ARIH1: variants seen among roughly 807,000 people sequenced by gnomAD.
ARIH1 encodes the protein E3 ubiquitin-protein ligase ARIH1.
A neutral mutation model predicts 85.0 loss-of-function variants in ARIH1; 8 were observed. That is an observed-to-expected ratio of 0.09 (90% confidence interval 0.06 to 0.17). ARIH1 has a LOEUF of 0.17. ARIH1 is among the 10% of genes least tolerant of loss of function. The probability of loss-of-function intolerance (pLI) is 1.00; values close to 1 mark genes in which losing one functional copy is unlikely to be tolerated. For missense variants in ARIH1, 311 were observed against 718.1 expected (o/e 0.43, Z 6.48); for synonymous variants, 238 against 253.6 (o/e 0.94, Z 0.59).
intron 3 of ARIH1, among the ~76,000 whole-genome samples, chr15:72,550,233 A>C (rs1315099340): frequency 6.6e-6 from 1 of 152,190 alleles, no homozygotes; most frequent in African/African-American, 2.4e-5. Flanking sequence ...AGTTGTAACA[A>C]GGTTGAGAGA....
intron 1 of ARIH1, among the ~76,000 whole-genome samples, chr15:72,509,518 A>G (rs2063941074): frequency 6.6e-6 from 1 of 151,996 alleles, no homozygotes; most frequent in Non-Finnish European, 1.5e-5. Context: ...TTGTTTAGTC[A>G]AACCCTCCCC....
chr15:72,572,209 G>A (rs373908036), intron 11 of ARIH1, 44 bp downstream of exon 11: 59 of 1,285,714 alleles, frequency 4.6e-5, no homozygotes, highest in Middle Eastern at 1.9e-4. Context: ...AAGAATGCAC[G>A]TTGTATATTC....
chr15:72,504,354 A>G (rs1595854905), intron 1 of ARIH1, among the ~76,000 whole-genome samples: 1 of 152,154 alleles, frequency 6.6e-6, no homozygotes, highest in South Asian at 2.1e-4. Flanking sequence ...GCACCCAGCC[A>G]GACAGCCTTT....
intron 7 of ARIH1, among the ~76,000 whole-genome samples, chr15:72,564,691 A>C (rs977819626): frequency 6.6e-6 from 1 of 152,228 alleles, no homozygotes; most frequent in Non-Finnish European, 1.5e-5. Context: ...CTTCTAAACA[A>C]CATAAATTTA....
chr15:72,539,408 A>G (rs916752646), intron 2 of ARIH1, among the ~76,000 whole-genome samples: 1 of 152,194 alleles, frequency 6.6e-6, no homozygotes, highest in Non-Finnish European at 1.5e-5. Flanking sequence ...GATCAGAGGT[A>G]AACTGATAAA....
At chr15:72,515,362 A>T (rs2063970480) in intron 1 of ARIH1, among the ~76,000 whole-genome samples, 1 of 152,162 alleles carries the variant, frequency 6.6e-6, no homozygotes, top group African/African-American at 2.4e-5. Flanking sequence ...AAAATAAAAA[A>T]ATATAAAATA....
chr15:72,592,169 A>G lies in ARIH1; in HGVS notation c.*8877A>G, dbSNP rs976843020. 1 of 152,246 alleles carries G rather than the reference A, an allele frequency of 6.6e-6. No individual in the cohort carries two copies. Among genetic ancestry groups the G allele is most frequent in the Non-Finnish European group, 1.5e-5 (1 of 68,044 alleles). The allele number at this position is 152,246 out of a possible 1,614,324, so 9.4% of individuals were successfully genotyped here. The stretch of plus-strand genomic sequence containing the variant: ...CCATGTACAAGCCAGTGCCTTAACA[A>G]TGGTCAAATGGTTGCTCACTAACCA... On this transcript the variant is annotated 3_prime_UTR_variant, in exon 14 of 14. Coordinates refer to ENST00000379887, the MANE Select transcript of ARIH1 (RefSeq NM_005744.5).
At chr15:72,581,598 G>A (rs1261387064) in intron 12 of ARIH1, 1 of 158,672 alleles carries the variant, frequency 6.3e-6, no homozygotes, top group Admixed American at 5.9e-5. Context: ...TAGACAATAA[G>A]ACTGACTAGC....
At chr15:72,578,604 C>G (rs1299980795) in intron 11 of ARIH1, among the ~76,000 whole-genome samples, 1 of 151,748 alleles carries the variant, frequency 6.6e-6, no homozygotes, top group Non-Finnish European at 1.5e-5. Flanking sequence ...TTTGGTTTGT[C>G]CGCAAGTGTT....
Position 72,598,895 on chromosome 15 carries a change from T to G in ARIH1, c.*15603T>G, listed in dbSNP as rs2064372660. The G allele has an allele frequency of 6.7e-6, 1 of 150,258 alleles. No homozygotes were observed. Among genetic ancestry groups the G allele is most frequent in the African/African-American group, 2.4e-5 (1 of 40,940 alleles). 9.3% of individuals were successfully genotyped at this position (150,258 alleles called of 1,614,324 possible). ...ACCATGCCTGGCTTTTTTTTTTTTG[T>G]AGAGTTTGGGTCTCGCTATGTTGCC... On this transcript the variant is annotated 3_prime_UTR_variant, in exon 14 of 14. Transcript: ENST00000379887.
In ARIH1 at chr15:72,572,263, T is replaced by C. The variant is rs1198644789; in HGVS notation, c.1215+98T>C. The C allele has an allele frequency of 6.1e-6, 5 of 817,420 alleles. No homozygotes were observed. In the East Asian group the frequency reaches 1.4e-4, roughly 22 times the overall value. 50.6% of individuals were successfully genotyped at this position (817,420 alleles called of 1,614,324 possible). ...TTTTTTTTTTTTTTTTTTGAGACAG[T>C]GTCTCGCTTTGTCGCCCAGGCTGGA... On this transcript the variant is annotated intron_variant, in intron 11 of 13. Coordinates refer to ENST00000379887, the MANE Select transcript of ARIH1 (RefSeq NM_005744.5).
chr15:72,586,948 A>G lies in ARIH1; in HGVS notation c.*3656A>G. ...TCACTCTTAAAGCTGATACTGTTAT[A>G]TAGGGATGAAGGGAGAGTTTTCTTA... On this transcript the variant is annotated 3_prime_UTR_variant, in exon 14 of 14. Transcript: ENST00000379887. 2 of 329,900 alleles carry G rather than the reference A, an allele frequency of 6.1e-6. No homozygotes were observed. The highest frequency in any genetic ancestry group is 1.2e-5 in the Non-Finnish European group (2 of 172,116). The allele number at this position is 329,900 out of a possible 1,614,324, so 20.4% of individuals were successfully genotyped here. A position where few individuals can be genotyped will look rare whatever the true frequency, so the allele number is the denominator to read the frequency against.
In ARIH1 at chr15:72,592,361, G is replaced by T. The variant is rs536980246; in HGVS notation, c.*9069G>T. The T allele has an allele frequency of 6.6e-6, 1 of 152,234 alleles. No homozygotes were observed. The highest frequency in any genetic ancestry group is 1.5e-5 in the Non-Finnish European group (1 of 68,036). 9.4% of individuals were successfully genotyped at this position (152,234 alleles called of 1,614,324 possible). A position where few individuals can be genotyped will look rare whatever the true frequency, so the allele number is the denominator to read the frequency against. On this transcript the variant is annotated 3_prime_UTR_variant, in exon 14 of 14. Coordinates refer to ENST00000379887, the MANE Select transcript of ARIH1 (RefSeq NM_005744.5). ...ACTGAAGCAAAGAGATAATAGGCCA[G>T]TAAAGAGTGGGAGACAAACACTCCT...
At chr15:72,549,076 G>GTCTC (rs1351194862) in intron 3 of ARIH1, among the ~76,000 whole-genome samples, 2 of 150,348 alleles carry the variant, frequency 1.3e-5, no homozygotes, top group Non-Finnish European at 3.0e-5. Flanking sequence ...CGACTACAGC[G>GTCTC]TCTCTCTCTC....
At chr15:72,500,728 A>G (rs1284013354) in intron 1 of ARIH1, among the ~76,000 whole-genome samples, 1 of 152,236 alleles carries the variant, frequency 6.6e-6, no homozygotes, top group Non-Finnish European at 1.5e-5. Context: ...TAGAAAAATA[A>G]TAACTCCTTG....
intron 1 of ARIH1, among the ~76,000 whole-genome samples, chr15:72,496,487 A>G (rs1319269891): frequency 6.6e-6 from 1 of 152,160 alleles, no homozygotes; most frequent in African/African-American, 2.4e-5. Context: ...CCAAAGAGCA[A>G]TCTCTATTTG....
At chr15:72,478,334 C>G (rs1261347721) in intron 1 of ARIH1, among the ~76,000 whole-genome samples, 1 of 149,926 alleles carries the variant, frequency 6.7e-6, no homozygotes, top group Non-Finnish European at 1.5e-5. Flanking sequence ...CCAGGCTGGT[C>G]TTGAACTCCT....
Position 72,579,468 on chromosome 15 carries a change from A to G in ARIH1, c.1216-1263A>G, listed in dbSNP as rs189224883. ...TAGTTGCCACTGTAGTTTTCTACTT[A>G]AAAATATCTCTGCTTTTTGCTTGTT... On this transcript the variant is annotated intron_variant, in intron 11 of 13. Coordinates refer to ENST00000379887, the MANE Select transcript of ARIH1 (RefSeq NM_005744.5). Among the ~76,000 whole-genome samples the G allele has an allele frequency of 5.1e-4, 78 of 152,344 alleles. No homozygotes were observed. The South Asian group carries it at 8.7e-3, about 17-fold the overall frequency.
In ARIH1 at chr15:72,584,384, A is replaced by T. The variant is rs905762636; in HGVS notation, c.*1092A>T. ...ATGCACACAGCTGTAGGCATTCTTAAGTCCCCTGTCGCATCCAGTGGAAGC... is the reference window on the plus strand; with the variant it reads ...ATGCACACAGCTGTAGGCATTCTTATGTCCCCTGTCGCATCCAGTGGAAGC... On this transcript the variant is annotated 3_prime_UTR_variant, in exon 14 of 14. Coordinates refer to ENST00000379887, the MANE Select transcript of ARIH1 (RefSeq NM_005744.5). 2.0e-5 allele frequency: 3 copies of T among 152,190 alleles called. No individual in the cohort carries two copies. Among genetic ancestry groups the T allele is most frequent in the Non-Finnish European group, 4.4e-5 (3 of 68,032 alleles). The allele number at this position is 152,190 out of a possible 1,614,324, so 9.4% of individuals were successfully genotyped here. A position where few individuals can be genotyped will look rare whatever the true frequency, so the allele number is the denominator to read the frequency against.
Sources: allele counts gnomAD v4.1 joint callset (sites outside exome capture counted in the v4.1 genomes callset), GRCh38; gene constraint gnomAD v4.1.1; transcripts MANE v1.5; gene names NCBI Gene and HGNC (gene_info 2026-07-23, HGNC 2026-07-21).